MUC5AC: variants seen among roughly 807,000 people sequenced by gnomAD.
MUC5AC encodes mucin-5AC.
Under a neutral mutation model 169.7 loss-of-function variants are expected in MUC5AC, and 158 were observed. The observed-to-expected ratio is 0.93, with a 90% CI of 0.82 to 1.06. The LOEUF (loss-of-function observed/expected upper bound fraction) is 1.06. Among genes scored for constraint, MUC5AC ranks in the 50% least tolerant of loss-of-function variants. MUC5AC has a pLI of 0.00. For synonymous variants in MUC5AC, 1,975 were observed against 1,237.0 expected, an observed-to-expected ratio of 1.60 and a Z score of -12.52; for missense variants, 4,359 against 3,089.9, an observed-to-expected ratio of 1.41 and a Z score of -9.74.
At chr11:1,176,125 C>T (rs1318978295) in intron 19 of MUC5AC, 26 bp from the exon 20 acceptor site, 3 of 382,438 alleles carry the variant, frequency 7.8e-6, no homozygotes, top group South Asian at 2.7e-4. Context: ...CTGTGGCTGG[C>T]CCCCTGACGG....
At chr11:1,174,407 TG>T in intron 16 of MUC5AC, 88 bp from the exon 17 acceptor site, 1 of 774,844 alleles carries the variant, frequency 1.3e-6, no homozygotes, top group Non-Finnish European at 2.1e-6. Flanking sequence ...GGGAGGACCC[TG>T]GCTGCTGGAT....
Position 1,180,530 on chromosome 11 carries a change from G to A in MUC5AC, c.3776+14G>A, listed in dbSNP as rs999534199. The A allele has an allele frequency of 7.8e-5, 31 of 398,680 alleles. No individual in the cohort carries two copies. Among genetic ancestry groups the A allele is most frequent in the South Asian group, 1.3e-4 (1 of 7,872 alleles). 24.7% of individuals were successfully genotyped at this position (398,680 alleles called of 1,614,324 possible). Reference sequence around the variant, plus strand: ...CTGCCAGTCCTGGTGAGTCCTTTGGGGGGAGGAATATGGAGCCTGCAGCAT... The same window carrying A: ...CTGCCAGTCCTGGTGAGTCCTTTGGAGGGAGGAATATGGAGCCTGCAGCAT... On this transcript the variant is annotated intron_variant, in intron 28 of 48. Transcript: ENST00000621226.
rs1257684930 is a variant in MUC5AC at position 1,168,359 on chromosome 11, C to G, written c.1498-124C>G. 8 of 931,838 alleles carry G rather than the reference C, an allele frequency of 8.6e-6. No homozygotes were observed. In the East Asian group the frequency reaches 1.8e-4, roughly 21 times the overall value. The allele number at this position is 931,838 out of a possible 1,614,324, so 57.7% of individuals were successfully genotyped here. A position where few individuals can be genotyped will look rare whatever the true frequency, so the allele number is the denominator to read the frequency against. On this transcript the variant is annotated intron_variant, in intron 12 of 48. Transcript: ENST00000621226. The stretch of plus-strand genomic sequence containing the variant: ...GAAAATCAGGCGAGCACAAGGCCAC[C>G]TTGTAGGAGCCGCAGCTGCAGGGAA...
chr11:1,164,134 A>G lies in MUC5AC; in HGVS notation c.818A>G (p.Gln273Arg), dbSNP rs766428147. ...FGICEELLHG[Q>R]LFSGCVALVD... ...ATCTGTGAGGAGCTCCTGCACGGCC[A>G]GCTGTTCTCTGGCTGCGTGGCCCTG... Residue 273 changes from glutamine (Q) to arginine (R), a missense_variant, in exon 8 of 49, where the codon CAG becomes CGG. By Grantham distance (43) the Gln-to-Arg change is conservative. Coordinates refer to ENST00000621226, the MANE Select transcript of MUC5AC (RefSeq NM_001304359.2). 1.9e-6 allele frequency: 3 copies of G among 1,612,264 alleles called. No individual in the cohort carries two copies. In the South Asian group the frequency reaches 3.3e-5, roughly 18 times the overall value.
intron 37 of MUC5AC, 114 bp downstream of exon 37, chr11:1,196,168 G>A: frequency 1.6e-6 from 1 of 624,476 alleles, no homozygotes; most frequent in Non-Finnish European, 2.9e-6. Context: ...AGGAGGAGGG[G>A]GCAGCCCCAG....
chr11:1,175,970 ACG>A (rs1209905136), intron 19 of MUC5AC, among the ~76,000 whole-genome samples, 179 bp from the exon 20 acceptor site: 3 of 138,420 alleles, frequency 2.2e-5, no homozygotes, highest in Non-Finnish European at 4.6e-5. Context: ...CAGTTATGCA[ACG>A]CTCACACCCA....
chr11:1,172,574 C>T (rs1426085092), intron 16 of MUC5AC, 51 bp downstream of exon 16: 9 of 398,466 alleles, frequency 2.3e-5, no homozygotes, highest in South Asian at 1.3e-4. Flanking sequence ...CTGAGCCTCA[C>T]GGCTGCCTCC....
At chr11:1,175,497 A>C (rs1332737955) in intron 19 of MUC5AC, among the ~76,000 whole-genome samples, 1 of 117,998 alleles carries the variant, frequency 8.5e-6, no homozygotes, top group Non-Finnish European at 2.0e-5. Context: ...ATGCTCACAC[A>C]CCCACTCATG....
chr11:1,179,469 G>A (rs1860761325), intron 26 of MUC5AC, among the ~76,000 whole-genome samples: 1 of 151,222 alleles, frequency 6.6e-6, no homozygotes, highest in Non-Finnish European at 1.5e-5. Context: ...GCTCTAGAGA[G>A]GAGGGCGTGG....
chr11:1,177,565 G>A lies in MUC5AC; in HGVS notation c.3019G>A (p.Asp1007Asn), dbSNP rs1860717583. The A allele has an allele frequency of 2.8e-5, 11 of 398,656 alleles. No individual in the cohort carries two copies. Among genetic ancestry groups the A allele is most frequent in the Non-Finnish European group, 4.0e-5 (9 of 226,186 alleles). 24.7% of individuals were successfully genotyped at this position (398,656 alleles called of 1,614,324 possible). The change falls in exon 24 of 49, where the codon GAC (aspartate) becomes AAC (asparagine). Residue 1007 changes from aspartate (D) to asparagine (N), a missense_variant. Physicochemically the swap from Asp to Asn is conservative, Grantham distance 23. Transcript: ENST00000621226. ...QMGIYLVVDT[D>N]IGLVLLWDKK... ...GGGCATCTACCTGGTGGTGGACACC[G>A]ACATTGGCCTGGTGCTGCTGTGGGA...
chr11:1,167,988 G>A lies in MUC5AC; in HGVS notation c.1497+1G>A, dbSNP rs763752385. The A allele has an allele frequency of 6.5e-7, 1 of 1,549,896 alleles. No individual in the cohort carries two copies. The highest frequency in any genetic ancestry group is 8.7e-7 in the Non-Finnish European group (1 of 1,146,838). ...ACTGAGCCTGGATGGGGCGCAGACG[G>A]TGAGTGGAGCCTGGCAGGGCAAACC... On this transcript the variant is annotated splice_donor_variant, in intron 12 of 48. Coordinates refer to ENST00000621226, the MANE Select transcript of MUC5AC (RefSeq NM_001304359.2). LOFTEE classifies it high-confidence loss of function.
Position 1,185,842 on chromosome 11 carries a change from C to A in MUC5AC, c.7697C>A (p.Ser2566Tyr). Residue 2566 changes from serine (S) to tyrosine (Y), a missense_variant, in exon 31 of 49, where the codon TCT becomes TAT. Transcript: ENST00000621226. ...TCTGCCACTACAACCAGCACAACCT[C>A]TGGTCCTGGAACTACTCCCAGCCCT... Reference protein sequence around the residue: ...TTSATTTSTTSGPGTTPSPVP... With the variant: ...TTSATTTSTTYGPGTTPSPVP... The A allele has an allele frequency of 1.3e-6, 1 of 748,476 alleles. No homozygotes were observed. Among genetic ancestry groups the A allele is most frequent in the South Asian group, 1.4e-5 (1 of 72,142 alleles). The allele number at this position is 748,476 out of a possible 1,614,324, so 46.4% of individuals were successfully genotyped here.
intron 35 of MUC5AC, 67 bp from the exon 36 acceptor site, chr11:1,194,945 C>T (rs1371747604): frequency 1.5e-6 from 1 of 656,644 alleles, no homozygotes; most frequent in Non-Finnish European, 2.8e-6. Context: ...GGGTCCTGTC[C>T]CCCAGCTGGG....
At chr11:1,193,961 C>T (rs776448832) in intron 33 of MUC5AC, 149 bp from the exon 34 acceptor site, 11 of 639,778 alleles carry the variant, frequency 1.7e-5, no homozygotes, top group African/African-American at 5.3e-5. Flanking sequence ...ACGCTGGCCA[C>T]GTGTGTTCTG....
rs1256713024 is a variant in MUC5AC at position 1,185,617 on chromosome 11, C to T, written c.7472C>T (p.Thr2491Ile). ...AGCACAACCTCTGGTCCTGAAACTA[C>T]TCCTAGACCTGTTCCTACCACCAGC... ...TTSTTSGPET[T>I]PRPVPTTSTT... The change falls in exon 31 of 49, where the codon ACT becomes ATT. Residue 2491 changes from threonine (T) to isoleucine (I), a missense_variant. Transcript: ENST00000621226. 4.1e-6 allele frequency: 3 copies of T among 731,914 alleles called. No homozygotes were observed. Among genetic ancestry groups the T allele is most frequent in the Non-Finnish European group, 7.5e-6 (3 of 401,250 alleles). The allele number at this position is 731,914 out of a possible 1,614,324, so 45.3% of individuals were successfully genotyped here.
chr11:1,165,171 G>A lies in MUC5AC; in HGVS notation c.1130-131G>A, dbSNP rs1157462979. On this transcript the variant is annotated intron_variant, in intron 9 of 48. Transcript: ENST00000621226. ...CTGTCCCGGGCCCCTGAGGCTGGCT[G>A]AGGCCCCCGTCCTGGGCCCCTGGAG... 10 of 830,132 alleles carry A rather than the reference G, an allele frequency of 1.2e-5. 1 individual carries two copies. In the African/African-American group the frequency reaches 1.7e-4, roughly 14 times the overall value. The allele number at this position is 830,132 out of a possible 1,614,324, so 51.4% of individuals were successfully genotyped here.
intron 41 of MUC5AC, 75 bp downstream of exon 41, chr11:1,197,714 G>T: frequency 3.1e-6 from 2 of 639,704 alleles, no homozygotes; most frequent in Non-Finnish European, 5.7e-6. Flanking sequence ...GGACTTTGCT[G>T]CTGCCTTGGG....
chr11:1,187,963 C>G lies in MUC5AC; in HGVS notation c.9818C>G (p.Ala3273Gly), dbSNP rs1860995092. ...GAGATCACCAGGCTCCAGTGCCGAG[C>G]CGAGAGCCACCCGGAGGTGAGCATT... ...PEEITRLQCRAESHPEVSIEH... is the reference protein window; with the variant it reads ...PEEITRLQCRGESHPEVSIEH... The change falls in exon 31 of 49, where the codon GCC becomes GGC. Residue 3273 changes from alanine to glycine, a missense_variant. By Grantham distance (60) the Ala-to-Gly change is moderately conservative. Transcript: ENST00000621226. 1 of 756,098 alleles carries G rather than the reference C, an allele frequency of 1.3e-6. No homozygotes were observed. The highest frequency in any genetic ancestry group is 2.4e-6 in the Non-Finnish European group (1 of 412,278). 46.8% of individuals were successfully genotyped at this position (756,098 alleles called of 1,614,324 possible). A position where few individuals can be genotyped will look rare whatever the true frequency, so the allele number is the denominator to read the frequency against.
rs1389037832 is a variant in MUC5AC at position 1,190,208 on chromosome 11, C to T, written c.12063C>T (p.Cys4021=). The T allele has an allele frequency of 2.9e-5, 22 of 759,954 alleles. No homozygotes were observed. The highest frequency in any genetic ancestry group is 2.7e-4 in the Admixed American group (16 of 58,412). 47.1% of individuals were successfully genotyped at this position (759,954 alleles called of 1,614,324 possible). The part of the protein sequence containing the change: ...SIEHLGQVVQ[C]SREEGLVCRN... ...AACACCTGGGCCAGGTGGTGCAGTG[C>T]AGCCGGGAAGAGGGCCTGGTGTGCC... The change falls in exon 31 of 49, where the codon TGC becomes TGT. Residue 4021 remains cysteine, a synonymous_variant. Transcript: ENST00000621226.
Sources: gnomAD v4.1 joint callset for allele counts (sites outside exome capture counted in the v4.1 genomes callset) on GRCh38, gnomAD v4.1.1 for gene constraint, MANE v1.5 for transcripts, NCBI Gene and HGNC (gene_info 2026-07-23, HGNC 2026-07-21) for gene names.